STX8: variants seen among roughly 807,000 people sequenced by gnomAD.
STX8 encodes the protein syntaxin-8.
In STX8, 23 loss-of-function variants were observed where a neutral mutation model predicts 37.5. That is an observed-to-expected ratio of 0.61 (90% CI 0.44 to 0.87). The LOEUF (loss-of-function observed/expected upper bound fraction) is 0.87, where lower values mean the gene tolerates loss of function less well. Among genes scored for constraint, STX8 ranks in the 40% least tolerant of loss-of-function variants. The probability of loss-of-function intolerance (pLI) is 0.00; values close to 1 mark genes in which losing one functional copy is unlikely to be tolerated. For synonymous variants in STX8, 115 were observed against 99.1 expected (o/e 1.16, Z -0.95); for missense variants, 313 against 284.7 (o/e 1.10, Z -0.71).
intron 6 of STX8, among the ~76,000 whole-genome samples, chr17:9,470,902 ATT>A (rs34845144): frequency 6.9e-4 from 102 of 146,968 alleles, no homozygotes; most frequent in Admixed American, 6.1e-4. Context: ...AATTTTTTGT[ATT>A]TTTTTTTTTT....
At chr17:9,302,204 A>C (rs944297495) in intron 7 of STX8, among the ~76,000 whole-genome samples, 16 of 152,102 alleles carry the variant, frequency 1.1e-4, no homozygotes, top group Non-Finnish European at 2.1e-4. Flanking sequence ...AATTAGTATA[A>C]ATTTATAAAT....
intron 7 of STX8, among the ~76,000 whole-genome samples, chr17:9,263,200 C>T (rs1040689594): frequency 6.6e-6 from 1 of 151,632 alleles, no homozygotes; most frequent in Non-Finnish European, 1.5e-5. Context: ...GGGACGGGTG[C>T]GTGCGGTGGC....
chr17:9,527,183 C>T (rs1337782337), intron 4 of STX8, among the ~76,000 whole-genome samples: 2 of 178 alleles, frequency 0.011, no homozygotes, highest in African/African-American at 0.013. Flanking sequence ...GAGACTCCGT[C>T]TCAAAAAAAA....
chr17:9,492,017 A>T, intron 5 of STX8, 96 bp from the exon 6 acceptor site: 1 of 797,636 alleles, frequency 1.3e-6, no homozygotes, highest in Non-Finnish European at 1.9e-6. Context: ...TTGACATATA[A>T]ATCAGTCAGG....
At chr17:9,556,282 C>T (rs1906960351) in intron 3 of STX8, among the ~76,000 whole-genome samples, 1 of 151,986 alleles carries the variant, frequency 6.6e-6, no homozygotes, top group Non-Finnish European at 1.5e-5. Flanking sequence ...CCCTGAAATA[C>T]CAAAAATTGG....
At chr17:9,419,768 T>C (rs145594868) in intron 6 of STX8, among the ~76,000 whole-genome samples, 266 of 152,256 alleles carry the variant, frequency 1.7e-3, no homozygotes, top group Non-Finnish European at 2.9e-3. Flanking sequence ...TGGACCTGAA[T>C]TTTACTTAAA....
At chr17:9,569,102 C>A (rs961742377) in intron 1 of STX8, among the ~76,000 whole-genome samples, 1 of 152,196 alleles carries the variant, frequency 6.6e-6, no homozygotes, top group African/African-American at 2.4e-5. Flanking sequence ...GGCCGTCTGG[C>A]CCCAGAGCCG....
At chr17:9,427,064 G>A (rs1022089330) in intron 6 of STX8, among the ~76,000 whole-genome samples, 3 of 152,060 alleles carry the variant, frequency 2.0e-5, no homozygotes, top group Admixed American at 6.6e-5. Context: ...CTATTTGCTC[G>A]GTTGGAAGTA....
intron 7 of STX8, among the ~76,000 whole-genome samples, chr17:9,347,028 G>A (rs1910557614): frequency 6.6e-6 from 1 of 152,008 alleles, no homozygotes; most frequent in South Asian, 2.1e-4. Flanking sequence ...TCGGGAGGCT[G>A]AGGCAGGAGA....
In STX8 at chr17:9,257,458, T is replaced by C. The variant is rs1295479702; in HGVS notation, c.644-6813A>G. ...TAACAGCTCTCAGTGCTTACTGACA[T>C]GGAGGAGGAGGGGAAGGAGGAGAAA... On this transcript the variant is annotated intron_variant, in intron 7 of 7. Transcript: ENST00000306357. Among the ~76,000 whole-genome samples, 46 of 151,884 alleles carry C rather than the reference T, an allele frequency of 3.0e-4. 1 individual carries two copies. The highest frequency in any genetic ancestry group is 3.0e-3 in the Admixed American group (46 of 15,254).
At chr17:9,294,801 T>C (rs1407555582) in intron 7 of STX8, among the ~76,000 whole-genome samples, 1 of 152,108 alleles carries the variant, frequency 6.6e-6, no homozygotes, top group East Asian at 1.9e-4. Flanking sequence ...AAAATGAAAA[T>C]GAGGTCATAA....
intron 6 of STX8, among the ~76,000 whole-genome samples, chr17:9,438,132 AC>A (rs1057162597): frequency 6.6e-6 from 1 of 151,284 alleles, no homozygotes; most frequent in Admixed American, 6.6e-5. Flanking sequence ...TGTCCCAGCT[AC>A]TCAGAAGGCT....
At chr17:9,387,592 CA>C (rs1477720359) in intron 6 of STX8, among the ~76,000 whole-genome samples, 1 of 152,164 alleles carries the variant, frequency 6.6e-6, no homozygotes, top group Admixed American at 6.5e-5. Flanking sequence ...CACGCCTGGC[CA>C]AAAAGTGGGC....
chr17:9,337,661 C>G (rs1229649889), intron 7 of STX8, among the ~76,000 whole-genome samples: 2 of 152,194 alleles, frequency 1.3e-5, no homozygotes, highest in Non-Finnish European at 2.9e-5. Flanking sequence ...GCCACTGTGC[C>G]CGGCCAGAAC....
chr17:9,436,727 G>C (rs999269686), intron 6 of STX8, among the ~76,000 whole-genome samples: 4 of 152,228 alleles, frequency 2.6e-5, no homozygotes, highest in African/African-American at 9.6e-5. Context: ...ATGTGGCCCA[G>C]CTCTGGGATG....
chr17:9,547,640 GAA>G lies in STX8; in HGVS notation c.213-2360_213-2359del, dbSNP rs796756368. 3.8e-5 allele frequency among the ~76,000 whole-genome samples: 5 copies of G among 133,272 alleles called. No individual in the cohort carries two copies. The South Asian group carries it at 7.0e-4, about 19-fold the overall frequency. The allele number at this position is 133,272 out of a possible 152,430, so 87.4% of individuals were successfully genotyped here. ...AAGACTCCGTCTCAAAAAAAAAAAA[GAA>G]AAAAGAAAAGAAAAGAAAAGAAATA... On this transcript the variant is annotated intron_variant, in intron 3 of 7. Coordinates refer to ENST00000306357, the MANE Select transcript of STX8 (RefSeq NM_004853.3).
intron 6 of STX8, among the ~76,000 whole-genome samples, chr17:9,468,027 A>T (rs915109601): frequency 3.3e-5 from 5 of 152,236 alleles, no homozygotes; most frequent in African/African-American, 1.2e-4. Flanking sequence ...ATAGGAGAAA[A>T]GACACAATAT....
At chr17:9,463,081 G>A (rs1431533114) in intron 6 of STX8, among the ~76,000 whole-genome samples, 1 of 152,174 alleles carries the variant, frequency 6.6e-6, no homozygotes, top group African/African-American at 2.4e-5. Context: ...GTCTCACTGA[G>A]GAAGAATGTA....
At chr17:9,283,939 T>C (rs533395062) in intron 7 of STX8, among the ~76,000 whole-genome samples, 1 of 152,202 alleles carries the variant, frequency 6.6e-6, no homozygotes, top group Non-Finnish European at 1.5e-5. Context: ...CTGTGGTGTA[T>C]TTCCTCGGGA....
Sources: gnomAD v4.1 joint callset for allele counts (sites outside exome capture counted in the v4.1 genomes callset) on GRCh38, gnomAD v4.1.1 for gene constraint, MANE v1.5 for transcripts, NCBI Gene and HGNC (gene_info 2026-07-23, HGNC 2026-07-21) for gene names.